Variants in MAPK10 observed in about 807,000 individuals in gnomAD.
The protein encoded by MAPK10 is mitogen-activated protein kinase 10.
Under a neutral mutation model 59.3 loss-of-function variants are expected in MAPK10, and 25 were observed. The ratio of observed to expected loss-of-function variants is 0.42; its 90% confidence interval spans 0.31 to 0.59. MAPK10 has a LOEUF of 0.59. MAPK10 is among the 20% of genes least tolerant of loss of function. The probability of loss-of-function intolerance (pLI) is 0.15; values close to 1 mark genes in which losing one functional copy is unlikely to be tolerated. For missense variants in MAPK10, 351 were observed against 568.9 expected, an observed-to-expected ratio of 0.62 and a Z score of 3.90; for synonymous variants, 190 against 200.5, an observed-to-expected ratio of 0.95 and a Z score of 0.44.
At chr4:86,168,991 G>A (rs548281062) in intron 3 of MAPK10, among the ~76,000 whole-genome samples, 7 of 152,286 alleles carry the variant, frequency 4.6e-5, no homozygotes, top group African/African-American at 1.7e-4. Flanking sequence ...CAACAGACCT[G>A]CAGCTGAGGG....
chr4:86,101,434 C>A (rs1052795859), intron 7 of MAPK10: 5 of 481,234 alleles, frequency 1.0e-5, no homozygotes, highest in Non-Finnish European at 1.9e-5. Context: ...ATCATTTTCA[C>A]AATTTACACT....
chr4:86,523,908 C>T (rs1757293270), intron 1 of MAPK10, among the ~76,000 whole-genome samples: 1 of 152,212 alleles, frequency 6.6e-6, no homozygotes, highest in Non-Finnish European at 1.5e-5. Context: ...ATGTTGGAAT[C>T]TGATCACCAA....
chr4:86,429,026 A>C (rs188826759), intron 1 of MAPK10, among the ~76,000 whole-genome samples: 1 of 152,176 alleles, frequency 6.6e-6, no homozygotes, highest in Non-Finnish European at 1.5e-5. Context: ...AAGAATCGCT[A>C]TATGTGAATA....
chr4:86,435,369 C>A lies in MAPK10; in HGVS notation c.-122+17661G>T, dbSNP rs575839893. On this transcript the variant is annotated intron_variant, in intron 1 of 13. Transcript: ENST00000361569. Reference sequence around the variant, plus strand: ...AAAATTTACCGGGCATCGTGGCAGGCGCCTGTGATCCCAGCTACTCAGGAG... The same window carrying A: ...AAAATTTACCGGGCATCGTGGCAGGAGCCTGTGATCCCAGCTACTCAGGAG... 5.9e-5 allele frequency among the ~76,000 whole-genome samples: 9 copies of A among 151,950 alleles called. No individual in the cohort carries two copies. The South Asian group carries it at 1.7e-3, about 28-fold the overall frequency.
chr4:86,153,587 G>T (rs777591621), intron 4 of MAPK10, among the ~76,000 whole-genome samples: 6 of 152,032 alleles, frequency 3.9e-5, no homozygotes, highest in Non-Finnish European at 7.4e-5. Context: ...AGAAATGTGG[G>T]TATTACATAT....
intron 1 of MAPK10, among the ~76,000 whole-genome samples, chr4:86,497,075 T>G (rs1021351536): frequency 6.6e-6 from 1 of 152,200 alleles, no homozygotes; most frequent in Non-Finnish European, 1.5e-5. Flanking sequence ...TGGGAGAGTA[T>G]TTTTCCTGCT....
chr4:86,082,226 G>T (rs1249499008), intron 9 of MAPK10: 1 of 152,126 alleles, frequency 6.6e-6, no homozygotes, highest in Non-Finnish European at 1.5e-5. Flanking sequence ...GTGGTAGGTG[G>T]AGCACATAAA....
At chr4:86,322,274 C>T (rs1440037083) in intron 2 of MAPK10, among the ~76,000 whole-genome samples, 1 of 152,192 alleles carries the variant, frequency 6.6e-6, no homozygotes, top group Non-Finnish European at 1.5e-5. Flanking sequence ...CATTTCTTTT[C>T]TGCATCAGCT....
At chr4:86,050,070 T>C (rs1484473366) in intron 11 of MAPK10, among the ~76,000 whole-genome samples, 3 of 152,078 alleles carry the variant, frequency 2.0e-5, no homozygotes, top group Non-Finnish European at 2.9e-5. Flanking sequence ...TCATCTTCTC[T>C]CCTGGCCATT....
intron 1 of MAPK10, among the ~76,000 whole-genome samples, chr4:86,391,576 G>A (rs1032931766): frequency 4.6e-5 from 7 of 152,176 alleles, no homozygotes; most frequent in Non-Finnish European, 8.8e-5. Flanking sequence ...ACAAGGGGCA[G>A]CATACCTCGC....
chr4:86,143,120 G>GCAATCA (rs1197754622), intron 4 of MAPK10, among the ~76,000 whole-genome samples: 1 of 152,122 alleles, frequency 6.6e-6, no homozygotes, highest in Non-Finnish European at 1.5e-5. Context: ...TCTTCATAGG[G>GCAATCA]TGGCAGGACG....
chr4:86,504,504 G>A (rs1755571996), intron 1 of MAPK10, among the ~76,000 whole-genome samples: 2 of 152,086 alleles, frequency 1.3e-5, no homozygotes, highest in African/African-American at 4.8e-5. Flanking sequence ...AAGGATAGTA[G>A]CAGTACAGTT....
intron 1 of MAPK10, among the ~76,000 whole-genome samples, chr4:86,389,711 T>A (rs1241483325): frequency 6.6e-6 from 1 of 152,222 alleles, no homozygotes; most frequent in Non-Finnish European, 1.5e-5. Context: ...TGTCATAGTT[T>A]TCATATATAT....
At chr4:86,141,398 G>A (rs965458424) in intron 4 of MAPK10, among the ~76,000 whole-genome samples, 2 of 152,184 alleles carry the variant, frequency 1.3e-5, no homozygotes, top group South Asian at 2.1e-4. Context: ...GTGTCATGAA[G>A]TCCACATCTT....
intron 4 of MAPK10, among the ~76,000 whole-genome samples, chr4:86,109,102 ACT>A (rs961502399): frequency 1.3e-5 from 2 of 151,884 alleles, no homozygotes; most frequent in East Asian, 3.9e-4. Context: ...AGAGCTAGTA[ACT>A]CTCTCATTCA....
Position 86,437,083 on chromosome 4 carries a change from A to G in MAPK10, c.-122+15947T>C, listed in dbSNP as rs191218811. On this transcript the variant is annotated intron_variant, in intron 1 of 13. Coordinates refer to the MAPK10 transcript ENST00000361569. ...AAAAAAATAAGCCAGGCGTGGTGGC[A>G]GGCACCTGTAGTCCCAGCTACTCGG... is the stretch of plus-strand genomic sequence containing the variant. 4.5e-3 allele frequency among the ~76,000 whole-genome samples: 688 copies of G among 152,060 alleles called. 8 individuals are homozygous for G. Among genetic ancestry groups the G allele is most frequent in the Admixed American group, 0.025 (379 of 15,248 alleles).
chr4:86,452,404 C>T (rs1436745716), intron 1 of MAPK10, among the ~76,000 whole-genome samples: 1 of 152,096 alleles, frequency 6.6e-6, no homozygotes, highest in Non-Finnish European at 1.5e-5. Context: ...TTATTGTAGG[C>T]ATGGAAGCAG....
intron 11 of MAPK10, among the ~76,000 whole-genome samples, chr4:86,039,181 T>C (rs1578979622): frequency 1.3e-5 from 2 of 152,174 alleles, no homozygotes; most frequent in East Asian, 3.9e-4. Context: ...TTTGAACAAC[T>C]ATCCGCACAC....
At chr4:86,042,631 C>T (rs4351013) in intron 11 of MAPK10, among the ~76,000 whole-genome samples, 32,077 of 151,748 alleles carry the variant, frequency 0.21, 4,123 homozygotes, top group African/African-American at 0.35. Context: ...CTTAAAGTAG[C>T]TTGTTATAAC....
Sources: gnomAD v4.1 joint callset for allele counts (sites outside exome capture counted in the v4.1 genomes callset) on GRCh38, gnomAD v4.1.1 for gene constraint, MANE v1.5 for transcripts, NCBI Gene and HGNC (gene_info 2026-07-23, HGNC 2026-07-21) for gene names.